Variants in SNX29 observed in about 807,000 individuals in gnomAD.
SNX29 encodes sorting nexin-29.
In SNX29, 78 loss-of-function variants were observed where a neutral mutation model predicts 102.1. The ratio of observed to expected loss-of-function variants is 0.76; its 90% CI spans 0.64 to 0.92. SNX29 has a LOEUF of 0.92. Ranked by LOEUF, SNX29 falls within the 40% of genes least tolerant of loss-of-function variation. The pLI, the probability that SNX29 is intolerant of heterozygous loss-of-function variation, is 0.00. For synonymous variants in SNX29, 580 were observed against 414.5 expected (o/e 1.40, Z -4.85); for missense variants, 1,280 against 1,061.7 (o/e 1.21, Z -2.86).
At chr16:12,329,584 T>C (rs1056592412) in intron 15 of SNX29, among the ~76,000 whole-genome samples, 3 of 152,220 alleles carry the variant, frequency 2.0e-5, no homozygotes, top group African/African-American at 4.8e-5. Context: ...GCATAAATGA[T>C]TGGAGAGTGA....
chr16:12,117,891 T>C (rs888249848), intron 11 of SNX29, among the ~76,000 whole-genome samples: 5 of 151,982 alleles, frequency 3.3e-5, no homozygotes, highest in Non-Finnish European at 7.4e-5. Flanking sequence ...GTCAGGAGAT[T>C]GAGACCACCC....
intron 4 of SNX29, among the ~76,000 whole-genome samples, chr16:12,030,401 C>G (rs1209396029): frequency 6.6e-6 from 1 of 152,190 alleles, no homozygotes. Context: ...TCCTGTGTTT[C>G]TTGCTTAGTA....
At chr16:12,075,358 C>G (rs2051503074) in intron 10 of SNX29, among the ~76,000 whole-genome samples, 1 of 152,172 alleles carries the variant, frequency 6.6e-6, no homozygotes, top group African/African-American at 2.4e-5. Context: ...GATGTCTTTT[C>G]TGTTTGTTAG....
intron 15 of SNX29, among the ~76,000 whole-genome samples, chr16:12,301,532 A>G (rs1230640285): frequency 6.6e-6 from 1 of 152,226 alleles, no homozygotes; most frequent in Non-Finnish European, 1.5e-5. Flanking sequence ...GTCTGATCCA[A>G]TGGTGCCTTC....
chr16:12,563,642 T>A (rs2141509021), intron 20 of SNX29, among the ~76,000 whole-genome samples: 1 of 152,134 alleles, frequency 6.6e-6, no homozygotes, highest in South Asian at 2.1e-4. Context: ...CCCCAGAAGG[T>A]AGGAACTGAG....
intron 18 of SNX29, among the ~76,000 whole-genome samples, chr16:12,464,147 A>G (rs1210937567): frequency 1.3e-5 from 2 of 151,238 alleles, no homozygotes; most frequent in African/African-American, 4.9e-5. Context: ...TATTTGGTGT[A>G]ATACGATCCC....
At chr16:12,531,578 C>A (rs1014962369) in intron 20 of SNX29, among the ~76,000 whole-genome samples, 3 of 152,200 alleles carry the variant, frequency 2.0e-5, no homozygotes, top group Non-Finnish European at 4.4e-5. Flanking sequence ...CATTGCCATT[C>A]TCTGGGATGA....
chr16:12,490,881 C>A (rs905623928), intron 19 of SNX29, among the ~76,000 whole-genome samples: 2 of 152,234 alleles, frequency 1.3e-5, no homozygotes, highest in Admixed American at 1.3e-4. Context: ...AAATTAAACA[C>A]TGTAAATACA....
At position 11,976,818 on chromosome 16, in the gene SNX29, G is replaced by C. The variant is rs2055309765; in HGVS notation, c.7+5G>C. On this transcript the variant is annotated splice_donor_5th_base_variant and intron_variant, in intron 1 of 20. Transcript: ENST00000566228. ...CGGGGAGAGGCACCATGAGCGGTGAGTGGCGGCCCCGCCGCTGTCACCTGC... is the reference window on the plus strand; with the variant it reads ...CGGGGAGAGGCACCATGAGCGGTGACTGGCGGCCCCGCCGCTGTCACCTGC... The C allele has an allele frequency of 7.3e-7, 1 of 1,377,154 alleles. No individual in the cohort carries two copies. 85.3% of individuals were successfully genotyped at this position (1,377,154 alleles called of 1,614,324 possible). A position where few individuals can be genotyped will look rare whatever the true frequency, so the allele number is the denominator to read the frequency against.
At chr16:12,562,088 G>C (rs1466815756) in intron 20 of SNX29, among the ~76,000 whole-genome samples, 6 of 152,150 alleles carry the variant, frequency 3.9e-5, no homozygotes, top group African/African-American at 1.4e-4. Flanking sequence ...CCAGTAGTTT[G>C]AACCGCATTT....
Position 12,572,939 on chromosome 16 carries a change from A to G in SNX29, c.*4310A>G. 2 of 798,622 alleles carry G rather than the reference A, an allele frequency of 2.5e-6. No individual in the cohort carries two copies. Among genetic ancestry groups the G allele is most frequent in the South Asian group, 6.0e-5 (1 of 16,668 alleles). The allele number at this position is 798,622 out of a possible 1,614,324, so 49.5% of individuals were successfully genotyped here. A position where few individuals can be genotyped will look rare whatever the true frequency, so the allele number is the denominator to read the frequency against. On this transcript the variant is annotated 3_prime_UTR_variant, in exon 21 of 21. Transcript: ENST00000566228. ...CTTGGAGTGTTTCTTCAAGGCAGGC[A>G]TCTGCTTATGAGCAAGGTCAAAGAT... is the stretch of plus-strand genomic sequence containing the variant.
At chr16:12,023,674 T>C (rs1012738191) in intron 3 of SNX29, among the ~76,000 whole-genome samples, 4 of 152,068 alleles carry the variant, frequency 2.6e-5, no homozygotes, top group Non-Finnish European at 5.9e-5. Context: ...CTGCTTCCCA[T>C]ATAAGATGGT....
At chr16:12,486,645 C>T (rs991007024) in intron 19 of SNX29, among the ~76,000 whole-genome samples, 1 of 152,224 alleles carries the variant, frequency 6.6e-6, no homozygotes, top group Non-Finnish European at 1.5e-5. Context: ...ATCCTGGAGG[C>T]TGGACGGGCA....
chr16:12,216,629 T>C (rs35374819), intron 14 of SNX29, among the ~76,000 whole-genome samples: 19,569 of 152,064 alleles, frequency 0.13, 2,218 homozygotes, highest in South Asian at 0.29. Flanking sequence ...AAGACTTAGA[T>C]TGTGGGTGTT....
intron 18 of SNX29, among the ~76,000 whole-genome samples, chr16:12,417,704 C>G (rs1204228085): frequency 3.3e-5 from 5 of 151,228 alleles, no homozygotes; most frequent in African/African-American, 1.2e-4. Context: ...GTCCTCTCTT[C>G]TCTTTCCTCT....
intron 20 of SNX29, among the ~76,000 whole-genome samples, chr16:12,559,779 A>C (rs573989854): frequency 1.2e-4 from 18 of 152,280 alleles, no homozygotes; most frequent in African/African-American, 4.3e-4. Flanking sequence ...AAAGCATTAC[A>C]CAGCACCTTC....
chr16:12,530,207 CTT>C (rs1255591707), intron 20 of SNX29, among the ~76,000 whole-genome samples: 2 of 152,220 alleles, frequency 1.3e-5, no homozygotes, highest in East Asian at 3.8e-4. Context: ...TGCTGATAGT[CTT>C]TGGCTCTTCC....
At chr16:12,463,128 G>A (rs866223053) in intron 18 of SNX29, among the ~76,000 whole-genome samples, 4 of 152,194 alleles carry the variant, frequency 2.6e-5, no homozygotes, top group Non-Finnish European at 4.4e-5. Flanking sequence ...CCAGGCTCCT[G>A]GGCACTGCTG....
At chr16:12,186,461 T>A (rs139716349) in intron 13 of SNX29, among the ~76,000 whole-genome samples, 7 of 152,314 alleles carry the variant, frequency 4.6e-5, no homozygotes, top group African/African-American at 1.2e-4. Context: ...AAGCAGATAA[T>A]TTTCTAAGAA....
Sources: allele counts gnomAD v4.1 joint callset (sites outside exome capture counted in the v4.1 genomes callset), GRCh38; gene constraint gnomAD v4.1.1; transcripts MANE v1.5; gene names NCBI Gene and HGNC (gene_info 2026-07-23, HGNC 2026-07-21).